The following DACH1 variants were observed in gnomAD, a reference collection of about 807,000 sequenced individuals.
DACH1 encodes dachshund homolog 1.
A neutral mutation model predicts 54.2 loss-of-function variants in DACH1; 12 were observed. The ratio of observed to expected loss-of-function variants is 0.22; its 90% CI spans 0.14 to 0.36. The LOEUF (loss-of-function observed/expected upper bound fraction) is 0.36, where lower values mean the gene tolerates loss of function less well. Among genes scored for constraint, DACH1 ranks in the 10% least tolerant of loss-of-function variants. The probability of loss-of-function intolerance (pLI) is 1.00; values close to 1 mark genes in which losing one functional copy is unlikely to be tolerated. For synonymous variants in DACH1, 386 were observed against 366.2 expected (o/e 1.05, Z -0.62); for missense variants, 805 against 929.8 (o/e 0.87, Z 1.75).
chr13:71,495,739 A>T (rs1312011181), intron 6 of DACH1, among the ~76,000 whole-genome samples: 1 of 152,186 alleles, frequency 6.6e-6, no homozygotes, highest in Non-Finnish European at 1.5e-5. Context: ...CCTCTATGGA[A>T]AACAGTATGC....
intron 3 of DACH1, among the ~76,000 whole-genome samples, chr13:71,574,495 T>C (rs1885413175): frequency 6.6e-6 from 1 of 152,122 alleles, no homozygotes; most frequent in South Asian, 2.1e-4. Context: ...TTAGCTCTGC[T>C]AAAAGCCTCA....
rs182548848 is a variant in DACH1 at position 71,668,902 on chromosome 13, A to G, written c.964+12893T>C. ...ATCGCACCACTGCACTCCAGCCTGT[A>G]CAACAAGAACAAAACTCTGTCTCAA... On this transcript the variant is annotated intron_variant, in intron 2 of 10. Transcript: ENST00000613252. Among the ~76,000 whole-genome samples the G allele has an allele frequency of 4.9e-3, 746 of 152,188 alleles. 5 individuals are homozygous for G. The highest frequency in any genetic ancestry group is 0.017 in the African/African-American group (702 of 41,546).
chr13:71,820,385 G>C (rs1024016387), intron 1 of DACH1, among the ~76,000 whole-genome samples: 2 of 152,096 alleles, frequency 1.3e-5, no homozygotes, highest in Non-Finnish European at 2.9e-5. Context: ...AGATGTGATT[G>C]CTCATGAGAT....
rs2138374675 is a variant in DACH1, at chr13:71,556,680, T to C, written c.1570+344A>G. Among the ~76,000 whole-genome samples the C allele has an allele frequency of 1.3e-5, 2 of 150,332 alleles. 1 individual carries two copies. The highest frequency in any genetic ancestry group is 4.1e-4 in the South Asian group (2 of 4,826). On this transcript the variant is annotated intron_variant, in intron 6 of 10. Coordinates refer to ENST00000613252, the MANE Select transcript of DACH1 (RefSeq NM_080759.6). ...AGAATAATCCTTTCTATATTGTTAT[T>C]GTTCTATCATGCTAAGTAAAATGAC...
chr13:71,439,889 A>ATCT lies in DACH1; in HGVS notation c.*763_*765dup, dbSNP rs1873853568. ...AGTTTGAATAAGAAGCAACATTATTATCTTTAATTCTACATACCACTACCA... is the reference window on the plus strand; with the variant it reads ...AGTTTGAATAAGAAGCAACATTATTATCTTCTTTAATTCTACATACCACTACCA... On this transcript the variant is annotated 3_prime_UTR_variant, in exon 11 of 11. Transcript: ENST00000613252. 6.6e-6 allele frequency: 1 copy of ATCT among 152,448 alleles called. No individual in the cohort carries two copies. Among genetic ancestry groups the ATCT allele is most frequent in the African/African-American group, 2.4e-5 (1 of 41,444 alleles). The allele number at this position is 152,448 out of a possible 1,614,324, so 9.4% of individuals were successfully genotyped here. A position where few individuals can be genotyped will look rare whatever the true frequency, so the allele number is the denominator to read the frequency against.
intron 6 of DACH1, among the ~76,000 whole-genome samples, chr13:71,500,910 T>A (rs1879862206): frequency 6.6e-6 from 1 of 152,072 alleles, no homozygotes; most frequent in Non-Finnish European, 1.5e-5. Context: ...CAGTTTCCAA[T>A]CTGACTCTGT....
intron 3 of DACH1, among the ~76,000 whole-genome samples, chr13:71,607,323 T>G (rs1001719794): frequency 1.3e-5 from 2 of 152,050 alleles, no homozygotes; most frequent in African/African-American, 4.8e-5. Flanking sequence ...ACAGGCTTAT[T>G]ATTGTTTTGT....
intron 1 of DACH1, among the ~76,000 whole-genome samples, chr13:71,778,041 G>A (rs1349228431): frequency 1.3e-5 from 2 of 151,338 alleles, no homozygotes; most frequent in East Asian, 3.9e-4. Context: ...GCAGTGAGCC[G>A]AGATTGCACC....
chr13:71,759,387 C>T (rs1414166969), intron 1 of DACH1, among the ~76,000 whole-genome samples: 1 of 152,068 alleles, frequency 6.6e-6, no homozygotes, highest in Non-Finnish European at 1.5e-5. Flanking sequence ...CCAACCCCCA[C>T]GCTGCCCTCA....
At chr13:71,702,626 G>T (rs1391033810) in intron 1 of DACH1, among the ~76,000 whole-genome samples, 3 of 151,980 alleles carry the variant, frequency 2.0e-5, no homozygotes, top group African/African-American at 7.2e-5. Flanking sequence ...AAAAAGAAAA[G>T]CATTGAAATA....
At chr13:71,604,919 A>C (rs1874766664) in intron 3 of DACH1, among the ~76,000 whole-genome samples, 1 of 151,738 alleles carries the variant, frequency 6.6e-6, no homozygotes, top group Non-Finnish European at 1.5e-5. Flanking sequence ...CATTTAGTTT[A>C]CATGTAAACC....
At position 71,477,213 on chromosome 13, in the gene DACH1, C is replaced by T. The variant is rs574771742; in HGVS notation, c.1871-1364G>A. ...TTGGCTCACTGAAAGCTCTGCCTCCCAGGTTCACGCCATTCTCCTGCCTCA... is the reference window on the plus strand; with the variant it reads ...TTGGCTCACTGAAAGCTCTGCCTCCTAGGTTCACGCCATTCTCCTGCCTCA... On this transcript the variant is annotated intron_variant, in intron 8 of 10. Coordinates refer to ENST00000613252, the MANE Select transcript of DACH1 (RefSeq NM_080759.6). Among the ~76,000 whole-genome samples the T allele has an allele frequency of 3.4e-5, 5 of 145,228 alleles. No individual in the cohort carries two copies. In the South Asian group the frequency reaches 1.1e-3, roughly 32 times the overall value.
intron 1 of DACH1, among the ~76,000 whole-genome samples, chr13:71,793,968 T>C (rs756974009): frequency 6.6e-6 from 1 of 152,160 alleles, no homozygotes; most frequent in Non-Finnish European, 1.5e-5. Flanking sequence ...CTTATTTCCA[T>C]TAATAATTTT....
At chr13:71,799,916 C>T (rs1009946416) in intron 1 of DACH1, among the ~76,000 whole-genome samples, 1 of 152,050 alleles carries the variant, frequency 6.6e-6, no homozygotes, top group African/African-American at 2.4e-5. Flanking sequence ...TGTGTGTACA[C>T]TATTTTATTA....
intron 2 of DACH1, among the ~76,000 whole-genome samples, chr13:71,657,642 T>C (rs978221080): frequency 7.2e-5 from 11 of 152,148 alleles, no homozygotes; most frequent in Admixed American, 5.9e-4. Flanking sequence ...CATTTGACTT[T>C]CTAGTGGAGA....
At chr13:71,590,875 CTTTTTTT>C (rs71123234) in intron 3 of DACH1, among the ~76,000 whole-genome samples, 1 of 85,128 alleles carries the variant, frequency 1.2e-5, no homozygotes, top group East Asian at 2.8e-4. Flanking sequence ...CTCTCTCTTT[CTTTTTTT>C]TTTTTTTTTT....
chr13:71,489,269 G>A (rs1419156906), intron 6 of DACH1, 121 bp from the exon 7 acceptor site: 3 of 1,079,168 alleles, frequency 2.8e-6, no homozygotes, highest in Admixed American at 2.5e-5. Flanking sequence ...CTGCTATCAG[G>A]AGAAAATGCT....
chr13:71,692,505 CCTT>C (rs1881552208), intron 1 of DACH1, among the ~76,000 whole-genome samples: 2 of 72,292 alleles, frequency 2.8e-5, no homozygotes, highest in African/African-American at 1.1e-4. Context: ...TCTTTTCTTT[CCTT>C]TTTTTTTTTT....
chr13:71,454,802 C>G (rs144568710), intron 10 of DACH1, among the ~76,000 whole-genome samples: 5 of 152,162 alleles, frequency 3.3e-5, no homozygotes, highest in African/African-American at 1.2e-4. Context: ...AAGCAGAAGG[C>G]CCAGCTAAGC....
Sources: gnomAD v4.1 joint callset for allele counts (sites outside exome capture counted in the v4.1 genomes callset) on GRCh38, gnomAD v4.1.1 for gene constraint, MANE v1.5 for transcripts, NCBI Gene and HGNC (gene_info 2026-07-23, HGNC 2026-07-21) for gene names.